Variants in PDE11A observed in about 807,000 individuals in gnomAD.
The protein encoded by PDE11A is phosphodiesterase 11A.
A neutral mutation model predicts 100.5 loss-of-function variants in PDE11A; 100 were observed. That is an observed-to-expected ratio of 1.00 (90% confidence interval 0.85 to 1.18). The LOEUF is 1.18. Among genes scored for constraint, PDE11A ranks in the 50% most tolerant of loss-of-function variants. The pLI, the probability that PDE11A is intolerant of heterozygous loss-of-function variation, is 0.00. For missense variants in PDE11A, 1,141 were observed against 1,152.6 expected, an observed-to-expected ratio of 0.99 and a Z score of 0.15; for synonymous variants, 381 against 420.8, an observed-to-expected ratio of 0.91 and a Z score of 1.16.
intron 18 of PDE11A, among the ~76,000 whole-genome samples, chr2:177,666,802 T>G (rs1018992323): frequency 3.9e-5 from 6 of 151,984 alleles, no homozygotes; most frequent in Admixed American, 6.6e-5. Context: ...ACTTGGCCCA[T>G]AAAAGATATA....
At chr2:177,791,612 GTTTA>G in intron 9 of PDE11A, among the ~76,000 whole-genome samples, 1 of 151,810 alleles carries the variant, frequency 6.6e-6, no homozygotes, top group African/African-American at 2.4e-5. Context: ...TACATTTGTG[GTTTA>G]TTTGACTTTT....
chr2:177,753,772 A>G (rs1270249625), intron 10 of PDE11A, among the ~76,000 whole-genome samples: 3 of 151,136 alleles, frequency 2.0e-5, no homozygotes, highest in Non-Finnish European at 4.4e-5. Context: ...CAGGCAGATA[A>G]GATTGGGGGG....
intron 3 of PDE11A, among the ~76,000 whole-genome samples, chr2:177,901,271 C>G (rs1014613161): frequency 7.9e-5 from 12 of 151,994 alleles, no homozygotes; most frequent in Admixed American, 3.3e-4. Context: ...TGAGCTAACT[C>G]AGGGCAAGAG....
At chr2:177,858,305 C>A (rs1159076452) in intron 5 of PDE11A, among the ~76,000 whole-genome samples, 6 of 151,868 alleles carry the variant, frequency 4.0e-5, no homozygotes. Flanking sequence ...TCAGAGTGAA[C>A]AGGCAACCTA....
intron 5 of PDE11A, among the ~76,000 whole-genome samples, chr2:177,850,664 A>G (rs1397766363): frequency 6.6e-6 from 1 of 152,244 alleles, no homozygotes; most frequent in African/African-American, 2.4e-5. Context: ...TCCAGAATCT[A>G]CAAAGAACTC....
At chr2:177,637,888 CAT>C (rs150487131) in intron 19 of PDE11A, among the ~76,000 whole-genome samples, 8,945 of 118,558 alleles carry the variant, frequency 0.075, 394 homozygotes, top group East Asian at 0.23. Flanking sequence ...ATCTACTATA[CAT>C]ATATATATAT....
chr2:178,090,184 A>G (rs983251303), intron 2 of PDE11A, among the ~76,000 whole-genome samples: 3 of 152,196 alleles, frequency 2.0e-5, no homozygotes, highest in African/African-American at 4.8e-5. Flanking sequence ...CACAGTATAA[A>G]ATCCCCACCA....
chr2:177,946,036 CGTCCGGG>C (rs2085419872), intron 2 of PDE11A, among the ~76,000 whole-genome samples: 3 of 136,374 alleles, frequency 2.2e-5, no homozygotes, highest in Non-Finnish European at 1.6e-5. Flanking sequence ...CCAGCCGCCC[CGTCCGGG>C]AGGGAGGTGG....
At chr2:177,652,300 G>A (rs916318034) in intron 19 of PDE11A, among the ~76,000 whole-genome samples, 1 of 152,216 alleles carries the variant, frequency 6.6e-6, no homozygotes, top group Non-Finnish European at 1.5e-5. Context: ...GCAAACAGAG[G>A]TTTCCTAAGA....
chr2:177,842,141 T>A (rs2083501766), intron 5 of PDE11A, among the ~76,000 whole-genome samples: 1 of 152,216 alleles, frequency 6.6e-6, no homozygotes, highest in African/African-American at 2.4e-5. Flanking sequence ...TTATTCCACA[T>A]TTTAATTTTT....
intron 6 of PDE11A, 54 bp downstream of exon 6, chr2:177,840,197 T>G: frequency 6.3e-7 from 1 of 1,583,274 alleles, no homozygotes; most frequent in East Asian, 2.2e-5. Flanking sequence ...TTCAACTGTT[T>G]TCAACAGTGC....
chr2:178,026,002 G>A (rs746313332), intron 1 of PDE11A, among the ~76,000 whole-genome samples: 61 of 152,134 alleles, frequency 4.0e-4, no homozygotes, highest in Non-Finnish European at 4.0e-4. Context: ...GAGAATACAG[G>A]GCAAGCCAAG....
intron 10 of PDE11A, among the ~76,000 whole-genome samples, chr2:177,748,478 C>A (rs961406111): frequency 6.6e-6 from 1 of 152,120 alleles, no homozygotes; most frequent in South Asian, 2.1e-4. Flanking sequence ...TATCTATTTG[C>A]GTATTATTAA....
intron 18 of PDE11A, among the ~76,000 whole-genome samples, chr2:177,666,609 T>C (rs2080588699): frequency 6.6e-6 from 1 of 152,244 alleles, no homozygotes; most frequent in African/African-American, 2.4e-5. Flanking sequence ...TGTGAAGTGA[T>C]ATCTCATTGT....
rs556081934 is a variant in PDE11A, at chr2:177,858,290, T to G, written c.1367+17569A>C. Among the ~76,000 whole-genome samples, 73 of 151,856 alleles carry G rather than the reference T, an allele frequency of 4.8e-4. No homozygotes were observed. In the South Asian group the frequency reaches 8.3e-3, roughly 17 times the overall value. On this transcript the variant is annotated intron_variant, in intron 5 of 19. Transcript: ENST00000286063. ...AGAGCTTCTGCACAGCAAAAGAAAC[T>G]ACCATCAGAGTGAACAGGCAACCTA...
At chr2:177,966,907 G>T (rs1425496972) in intron 2 of PDE11A, among the ~76,000 whole-genome samples, 1 of 151,946 alleles carries the variant, frequency 6.6e-6, no homozygotes, top group Non-Finnish European at 1.5e-5. Flanking sequence ...TCAGTTTTTT[G>T]GAATAGTTTC....
intron 2 of PDE11A, among the ~76,000 whole-genome samples, chr2:177,923,399 A>AAAAGG (rs2085081125): frequency 1.3e-5 from 2 of 152,076 alleles, no homozygotes; most frequent in Non-Finnish European, 2.9e-5. Context: ...AAAAGAAAAG[A>AAAAGG]AAGTAAGTAC....
chr2:177,722,738 T>G (rs2081548728), intron 12 of PDE11A, among the ~76,000 whole-genome samples: 1 of 152,180 alleles, frequency 6.6e-6, no homozygotes, highest in South Asian at 2.1e-4. Flanking sequence ...AAATTAAAAA[T>G]TTGCCATCTT....
chr2:177,690,611 C>T (rs1433156994), intron 15 of PDE11A, among the ~76,000 whole-genome samples: 1 of 152,204 alleles, frequency 6.6e-6, no homozygotes, highest in East Asian at 1.9e-4. Context: ...TCATCAGATG[C>T]TTTCGAGAAA....
Sources: allele counts gnomAD v4.1 joint callset (sites outside exome capture counted in the v4.1 genomes callset), GRCh38; gene constraint gnomAD v4.1.1; transcripts MANE v1.5; gene names NCBI Gene and HGNC (gene_info 2026-07-23, HGNC 2026-07-21).